TMEM117: variants seen among roughly 807,000 people sequenced by gnomAD.
TMEM117 encodes transmembrane protein 117.
A neutral mutation model predicts 52.4 loss-of-function variants in TMEM117; 27 were observed. The ratio of observed to expected loss-of-function variants is 0.51; its 90% confidence interval spans 0.38 to 0.71. TMEM117 has a LOEUF of 0.71. TMEM117 is among the 30% of genes least tolerant of loss of function. The pLI is 0.00. For synonymous variants in TMEM117, 215 were observed against 206.3 expected, an observed-to-expected ratio of 1.04 and a Z score of -0.36; for missense variants, 556 against 630.5, an observed-to-expected ratio of 0.88 and a Z score of 1.26.
intron 3 of TMEM117, among the ~76,000 whole-genome samples, chr12:44,088,068 C>T (rs902084032): frequency 6.6e-6 from 1 of 152,116 alleles, no homozygotes; most frequent in Non-Finnish European, 1.5e-5. Context: ...TATCATATGT[C>T]CCTTAGCCTC....
intron 3 of TMEM117, among the ~76,000 whole-genome samples, chr12:44,143,297 C>T (rs1813223648): frequency 6.6e-6 from 1 of 152,164 alleles, no homozygotes; most frequent in Admixed American, 6.5e-5. Context: ...ATATGAAGTG[C>T]ACATGGTAAT....
intron 3 of TMEM117, among the ~76,000 whole-genome samples, chr12:44,095,913 G>C (rs1320682521): frequency 2.6e-5 from 4 of 152,144 alleles, no homozygotes; most frequent in Non-Finnish European, 5.9e-5. Context: ...ATTAGGAAAA[G>C]AGGAAGTCAA....
intron 6 of TMEM117, among the ~76,000 whole-genome samples, chr12:44,311,931 T>A (rs1046269363): frequency 2.7e-5 from 4 of 147,462 alleles, no homozygotes; most frequent in Non-Finnish European, 5.9e-5. Context: ...ATATATATAT[T>A]TTTCCTCCCA....
At chr12:44,129,375 T>C (rs1214311155) in intron 3 of TMEM117, among the ~76,000 whole-genome samples, 1 of 152,146 alleles carries the variant, frequency 6.6e-6, no homozygotes, top group East Asian at 1.9e-4. Context: ...GTGCTTCCCA[T>C]CTTGGGGAGC....
At chr12:43,952,989 T>C (rs1211664235) in intron 3 of TMEM117, among the ~76,000 whole-genome samples, 1 of 152,020 alleles carries the variant, frequency 6.6e-6, no homozygotes, top group African/African-American at 2.4e-5. Context: ...GGGCCAATAT[T>C]CAACATTCTT....
intron 2 of TMEM117, among the ~76,000 whole-genome samples, chr12:43,872,092 G>A (rs182072393): frequency 2.6e-4 from 40 of 152,212 alleles, no homozygotes; most frequent in Admixed American, 1.6e-3. Flanking sequence ...TGTAGAGATG[G>A]GGTCTTGCCT....
intron 3 of TMEM117, among the ~76,000 whole-genome samples, chr12:44,030,495 AAC>A (rs1481081266): frequency 2.0e-5 from 3 of 152,208 alleles, no homozygotes; most frequent in African/African-American, 7.2e-5. Flanking sequence ...ACTAAGAGTT[AAC>A]AGTGTAATGT....
At chr12:44,305,955 G>T (rs568917095) in intron 6 of TMEM117, among the ~76,000 whole-genome samples, 2 of 152,308 alleles carry the variant, frequency 1.3e-5, no homozygotes, top group African/African-American at 4.8e-5. Flanking sequence ...GAAAAAGAAT[G>T]AAATGATGTC....
At chr12:43,892,547 C>T (rs1944126329) in intron 2 of TMEM117, among the ~76,000 whole-genome samples, 1 of 152,174 alleles carries the variant, frequency 6.6e-6, no homozygotes, top group Non-Finnish European at 1.5e-5. Context: ...CAGCCAAGGG[C>T]CAACTTTGCA....
intron 6 of TMEM117, among the ~76,000 whole-genome samples, chr12:44,309,776 T>TAA (rs61352410): frequency 3.0e-5 from 4 of 134,678 alleles, no homozygotes; most frequent in Non-Finnish European, 3.3e-5. Context: ...GAATGAGAAT[T>TAA]AAAAAAAAAA....
At chr12:43,966,828 TA>T (rs1259779012) in intron 3 of TMEM117, among the ~76,000 whole-genome samples, 1 of 152,202 alleles carries the variant, frequency 6.6e-6, no homozygotes, top group Non-Finnish European at 1.5e-5. Flanking sequence ...ACTAACTCAC[TA>T]ATTTGATTGC....
At chr12:43,841,589 A>G (rs902449116) in intron 1 of TMEM117, among the ~76,000 whole-genome samples, 1 of 152,218 alleles carries the variant, frequency 6.6e-6, no homozygotes, top group African/African-American at 2.4e-5. Context: ...TACATAGCCC[A>G]CGAAGCAAGT....
intron 2 of TMEM117, among the ~76,000 whole-genome samples, chr12:43,869,344 A>G (rs1943665088): frequency 6.6e-6 from 1 of 152,212 alleles, no homozygotes. Flanking sequence ...CTATTGTAGC[A>G]TTTATGATGT....
upstream of TMEM117, among the ~76,000 whole-genome samples, chr12:43,831,598 C>T (rs1942983006): frequency 6.6e-6 from 1 of 150,542 alleles, no homozygotes; most frequent in South Asian, 2.1e-4. Flanking sequence ...GGCTGGAGTG[C>T]AGTGGCGCAA....
At chr12:44,079,348 A>G (rs1947440540) in intron 3 of TMEM117, among the ~76,000 whole-genome samples, 1 of 152,096 alleles carries the variant, frequency 6.6e-6, no homozygotes, top group South Asian at 2.1e-4. Flanking sequence ...AAGCATTCCT[A>G]TTTCTCCACA....
rs558007760 is a variant in TMEM117 at position 44,070,879 on chromosome 12, C to T, written c.411-72646C>T. Among the ~76,000 whole-genome samples the T allele has an allele frequency of 3.3e-5, 5 of 152,118 alleles. No homozygotes were observed. The East Asian group carries it at 9.7e-4, about 29-fold the overall frequency. ...ACTTTGTGGCTTTTCTCTAGTTGTC[C>T]CAGAGCTGAGCTTCCGCAGGCAATG... is the stretch of plus-strand genomic sequence containing the variant. On this transcript the variant is annotated intron_variant, in intron 3 of 7. Coordinates refer to ENST00000266534, the MANE Select transcript of TMEM117 (RefSeq NM_032256.3).
At chr12:43,946,546 T>A (rs1278186963) in intron 3 of TMEM117, among the ~76,000 whole-genome samples, 1 of 152,138 alleles carries the variant, frequency 6.6e-6, no homozygotes, top group African/African-American at 2.4e-5. Context: ...AAATGAGAGT[T>A]AATAGTTGTT....
chr12:43,926,187 G>A (rs1357270843), intron 2 of TMEM117, among the ~76,000 whole-genome samples: 1 of 152,154 alleles, frequency 6.6e-6, no homozygotes, highest in Non-Finnish European at 1.5e-5. Context: ...TTCAAAATTG[G>A]CAGTGAAATT....
chr12:43,800,883 T>C, the TMEM117 span, among the ~76,000 whole-genome samples: 1 of 152,096 alleles, frequency 6.6e-6, no homozygotes, highest in Non-Finnish European at 1.5e-5. Context: ...CCCGAGTAGC[T>C]GGGATTATAG....
Sources: allele counts gnomAD v4.1 joint callset (sites outside exome capture counted in the v4.1 genomes callset), GRCh38; gene constraint gnomAD v4.1.1; transcripts MANE v1.5; gene names NCBI Gene and HGNC (gene_info 2026-07-23, HGNC 2026-07-21).